The following MAST4 variants were observed in gnomAD, a reference collection of about 807,000 sequenced individuals.
The protein encoded by MAST4 is microtubule associated serine/threonine kinase family member 4, also known as microtubule-associated serine/threonine-protein kinase 4.
MAST4 carries 89 observed loss-of-function variants against 162.7 expected under a neutral mutation model. That is an observed-to-expected ratio of 0.55 (90% CI 0.46 to 0.65). The LOEUF (loss-of-function observed/expected upper bound fraction) is 0.65. MAST4 is among the 30% of genes least tolerant of loss of function. The probability of loss-of-function intolerance (pLI) is 0.00; values close to 1 mark genes in which losing one functional copy is unlikely to be tolerated. For missense variants in MAST4, 3,153 were observed against 3,374.0 expected (o/e 0.93, Z 1.62); for synonymous variants, 1,479 against 1,361.1 (o/e 1.09, Z -1.91).
rs1773988902 is a variant in MAST4, at chr5:67,166,468, A to T, written c.7289A>T (p.Glu2430Val). ...CCCGGTCCCCAGAAGCCACCGACGG[A>T]GGCAGACAAGCCCAATGGCATGAAA... The part of the protein sequence containing the change: ...KGPGPQKPPT[E>V]ADKPNGMKRS... Residue 2430 changes from glutamate (E) to valine (V), a missense_variant, in exon 29 of 29, where the codon GAG becomes GTG. Transcript: ENST00000403625. The T allele has an allele frequency of 1.2e-6, 2 of 1,602,672 alleles. No individual in the cohort carries two copies. Among genetic ancestry groups the T allele is most frequent in the South Asian group, 2.2e-5 (2 of 89,266 alleles).
At chr5:67,108,739 A>C (rs1464441193) in intron 10 of MAST4, among the ~76,000 whole-genome samples, 1 of 152,152 alleles carries the variant, frequency 6.6e-6, no homozygotes, top group African/African-American at 2.4e-5. Flanking sequence ...TTGATGGCTT[A>C]AATTCAGCAG....
intron 4 of MAST4, among the ~76,000 whole-genome samples, chr5:66,969,338 C>T (rs1285485604): frequency 6.6e-6 from 1 of 152,190 alleles, no homozygotes; most frequent in Non-Finnish European, 1.5e-5. Flanking sequence ...GTCTTGGTCA[C>T]AGACCTCACC....
chr5:66,638,392 C>T (rs35869967), intron 1 of MAST4, among the ~76,000 whole-genome samples: 10,925 of 152,168 alleles, frequency 0.072, 469 homozygotes, highest in African/African-American at 0.11. Flanking sequence ...CCTCTCTCAC[C>T]CTGGGTCACT....
intron 6 of MAST4, among the ~76,000 whole-genome samples, chr5:67,091,387 T>C (rs1328691920): frequency 1.3e-5 from 2 of 152,198 alleles, no homozygotes; most frequent in Non-Finnish European, 1.5e-5. Flanking sequence ...ACAAGAGTGA[T>C]AAAAACATCA....
chr5:66,816,407 A>C (rs1756723528), intron 3 of MAST4, among the ~76,000 whole-genome samples: 1 of 151,654 alleles, frequency 6.6e-6, no homozygotes, highest in African/African-American at 2.4e-5. Context: ...TCATCCCCTC[A>C]CCTTTCCTCA....
At chr5:66,898,777 G>C (rs1018514719) in intron 3 of MAST4, among the ~76,000 whole-genome samples, 2 of 152,138 alleles carry the variant, frequency 1.3e-5, no homozygotes, top group Non-Finnish European at 2.9e-5. Flanking sequence ...AAATATATTT[G>C]CCAGTTAATA....
chr5:66,843,851 C>T (rs902803141), intron 3 of MAST4, among the ~76,000 whole-genome samples: 14 of 152,046 alleles, frequency 9.2e-5, no homozygotes, highest in African/African-American at 2.7e-4. Context: ...GAGCACAAAG[C>T]GGTTGCACAA....
At chr5:67,158,252 G>C (rs1180317457) in intron 26 of MAST4, among the ~76,000 whole-genome samples, 1 of 152,072 alleles carries the variant, frequency 6.6e-6, no homozygotes, top group Admixed American at 6.6e-5. Flanking sequence ...ATCAGATAAA[G>C]GTTTATTTTT....
chr5:66,793,929 T>C (rs1580465168), intron 3 of MAST4, among the ~76,000 whole-genome samples: 2 of 152,248 alleles, frequency 1.3e-5, no homozygotes, highest in African/African-American at 4.8e-5. Flanking sequence ...GTAAATTTCA[T>C]GAAGGCAGAG....
At chr5:67,129,079 T>C (rs529704712) in intron 14 of MAST4, among the ~76,000 whole-genome samples, 1 of 152,270 alleles carries the variant, frequency 6.6e-6, no homozygotes, top group African/African-American at 2.4e-5. Flanking sequence ...TATAAAGTAT[T>C]TGGGTGAGGC....
chr5:66,902,756 C>T (rs1333306205), intron 4 of MAST4: 2 of 458,188 alleles, frequency 4.4e-6, no homozygotes, highest in East Asian at 1.4e-4. Flanking sequence ...GATCACTTTT[C>T]CAGAGGCATT....
intron 1 of MAST4, among the ~76,000 whole-genome samples, chr5:66,733,297 G>A (rs1348656236): frequency 2.0e-5 from 3 of 151,188 alleles, no homozygotes; most frequent in East Asian, 2.0e-4. Flanking sequence ...AACTTTCTCC[G>A]TTTCCCCTCC....
chr5:67,039,432 G>A (rs1756448703), intron 4 of MAST4, among the ~76,000 whole-genome samples: 1 of 152,202 alleles, frequency 6.6e-6, no homozygotes. Context: ...CAGTGAACAG[G>A]AACTCTCTGA....
At chr5:66,895,033 G>A (rs1762593113) in intron 3 of MAST4, among the ~76,000 whole-genome samples, 1 of 152,136 alleles carries the variant, frequency 6.6e-6, no homozygotes, top group Non-Finnish European at 1.5e-5. Flanking sequence ...CAGCTGCAGA[G>A]GTGTCCTAAC....
At chr5:66,875,652 G>A (rs1761245242) in intron 3 of MAST4, among the ~76,000 whole-genome samples, 1 of 151,176 alleles carries the variant, frequency 6.6e-6, no homozygotes, top group Non-Finnish European at 1.5e-5. Context: ...TAGTTATTTG[G>A]TAATCATTAT....
chr5:66,773,991 G>A (rs10447107), intron 2 of MAST4, among the ~76,000 whole-genome samples: 54,699 of 152,086 alleles, frequency 0.36, 10,482 homozygotes, highest in African/African-American at 0.46. Flanking sequence ...TGTATTAAGT[G>A]ACATACATGG....
chr5:66,609,856 G>A (rs1305249409), intron 1 of MAST4, among the ~76,000 whole-genome samples: 4 of 151,876 alleles, frequency 2.6e-5, no homozygotes, highest in South Asian at 4.2e-4. Flanking sequence ...AAACTAATGG[G>A]TGTGAAGCCA....
chr5:66,746,957 AT>A (rs374549454), intron 1 of MAST4, among the ~76,000 whole-genome samples: 2,439 of 148,462 alleles, frequency 0.016, 59 homozygotes, highest in African/African-American at 0.052. Context: ...TACTAGCTTT[AT>A]TTTTTTTTTT....
chr5:66,643,794 A>AAAATCC (rs954515782), intron 1 of MAST4, among the ~76,000 whole-genome samples: 10 of 151,898 alleles, frequency 6.6e-5, no homozygotes, highest in African/African-American at 2.4e-4. Context: ...ATGCAAATGG[A>AAAATCC]AAATCCATTT....
Sources: allele counts gnomAD v4.1 joint callset (sites outside exome capture counted in the v4.1 genomes callset), GRCh38; gene constraint gnomAD v4.1.1; transcripts MANE v1.5; gene names NCBI Gene and HGNC (gene_info 2026-07-23, HGNC 2026-07-21).